The following LILRB1 variants were observed in gnomAD, a reference collection of about 807,000 sequenced individuals.
LILRB1 encodes leukocyte immunoglobulin like receptor B1.
A neutral mutation model predicts 74.6 loss-of-function variants in LILRB1; 59 were observed. The observed-to-expected ratio is 0.79, with a 90% CI of 0.64 to 0.98. The LOEUF is 0.98. Among genes scored for constraint, LILRB1 ranks in the 50% least tolerant of loss-of-function variants. LILRB1 has a pLI of 0.00. For missense variants in LILRB1, 804 were observed against 822.6 expected (o/e 0.98, Z 0.28); for synonymous variants, 328 against 333.9 (o/e 0.98, Z 0.19).
intron 13 of LILRB1, 88 bp from the exon 14 acceptor site, chr19:54,636,406 A>G (rs1314928224): frequency 1.3e-6 from 2 of 1,570,508 alleles, no homozygotes; most frequent in East Asian, 4.5e-5. Context: ...AAAGGGATGT[A>G]ATCGGATCAC....
In LILRB1 at chr19:54,632,524, C is replaced by T. The variant is rs770441281; in HGVS notation, c.722C>T (p.Thr241Ile). 2 of 1,613,850 alleles carry T rather than the reference C, an allele frequency of 1.2e-6. No individual in the cohort carries two copies. Among genetic ancestry groups the T allele is most frequent in the South Asian group, 2.2e-5 (2 of 91,074 alleles). The change falls in exon 6 of 15, where the codon ACC (threonine) becomes ATC (isoleucine). Residue 241 changes from threonine (T) to isoleucine (I), a missense_variant. By Grantham distance (89) the Thr-to-Ile change is moderately conservative (BLOSUM62 -1). Coordinates refer to ENST00000324602, the MANE Select transcript of LILRB1 (RefSeq NM_001081637.3). ...GGTCCTATCGTGGCCCCTGAGGAGACCCTGACTCTGCAGTGTGGCTCTGAT... is the reference window on the plus strand; with the variant it reads ...GGTCCTATCGTGGCCCCTGAGGAGATCCTGACTCTGCAGTGTGGCTCTGAT... ...QPGPIVAPEE[T>I]LTLQCGSDAG...
rs776262835 is a variant in LILRB1, at chr19:54,633,686, C to G, written c.1310C>G (p.Ser437Cys). 5.0e-6 allele frequency: 8 copies of G among 1,613,728 alleles called. No individual in the cohort carries two copies. The highest frequency in any genetic ancestry group is 1.1e-5 in the South Asian group (1 of 91,024). Residue 437 changes from serine (S) to cysteine (C), a missense_variant and splice_region_variant, in exon 8 of 15, where the codon TCT becomes TGT. Coordinates refer to ENST00000324602, the MANE Select transcript of LILRB1 (RefSeq NM_001081637.3). ...CCGACAACAGGCCCCACCTCCACAT[C>G]TGGTGAGTCCCTGAGGCTTCTGAAC... ...SSPTTGPTST[S>C]AGPEDQPLTP...
At chr19:54,633,441 A>G in intron 7 of LILRB1, 123 bp downstream of exon 7, 1 of 1,372,084 alleles carries the variant, frequency 7.3e-7, no homozygotes, top group South Asian at 1.4e-5. Flanking sequence ...TGGGAGACTC[A>G]CCCTCAGAGG....
At chr19:54,631,475 A>C (rs374622899) in intron 3 of LILRB1, 25 bp from the exon 4 acceptor site, 44 of 1,599,702 alleles carry the variant, frequency 2.8e-5, no homozygotes, top group Admixed American at 8.5e-5. Context: ...AATGAGTTAG[A>C]ATCTGACTCC....
intron 10 of LILRB1, 135 bp downstream of exon 10, chr19:54,634,898 C>G: frequency 6.7e-7 from 1 of 1,502,236 alleles, no homozygotes; most frequent in Non-Finnish European, 9.0e-7. Flanking sequence ...AATCGACAGT[C>G]AGTCCCATCT....
At position 54,636,830 on chromosome 19, in the gene LILRB1, G is replaced by GGAA. The variant is rs776521452; in HGVS notation, c.1911_1912insGAA (p.Gly637_Pro638insGlu). 7.4e-6 allele frequency: 12 copies of GGAA among 1,613,378 alleles called. No individual in the cohort carries two copies. Among genetic ancestry groups the GGAA allele is most frequent in the Non-Finnish European group, 1.0e-5 (12 of 1,179,582 alleles). On this transcript the variant is annotated inframe_insertion, in exon 15 of 15. Transcript: ENST00000324602. ...CTGAGCCTCCTCCATCCCAGGAAGG[G>GGAA]CCCTCTCCAGCTGTGCCCAGCATCT...
At chr19:54,635,056 G>C (rs969440654) in intron 10 of LILRB1, 48 bp from the exon 11 acceptor site, 1 of 1,281,986 alleles carries the variant, frequency 7.8e-7, no homozygotes, top group African/African-American at 1.5e-5. Flanking sequence ...GTGCAGGGCA[G>C]GGGGCTCCAA....
Position 54,631,633 on chromosome 19 carries a change from C to T in LILRB1, c.204C>T (p.Pro68=), listed in dbSNP as rs763885841. The T allele has an allele frequency of 1.2e-6, 2 of 1,614,166 alleles. No individual in the cohort carries two copies. Among genetic ancestry groups the T allele is most frequent in the African/African-American group, 1.3e-5 (1 of 74,960 alleles). The change falls in exon 4 of 15, where the codon CCC becomes CCT. Residue 68 remains proline (P), a synonymous_variant. Transcript: ENST00000324602. ...YRLYREKKTA[P]WITRIPQELV... ...TATATAGAGAAAAGAAAACAGCACCCTGGATTACACGGATCCCACAGGAGC... is the reference window on the plus strand; with the variant it reads ...TATATAGAGAAAAGAAAACAGCACCTTGGATTACACGGATCCCACAGGAGC...
chr19:54,621,584 CATTAG>C lies in LILRB1; in HGVS notation c.-166+4236_-166+4240del, dbSNP rs550493853. Among the ~76,000 whole-genome samples, 557 of 150,872 alleles carry C rather than the reference CATTAG, an allele frequency of 3.7e-3. 4 individuals carry two copies. Among genetic ancestry groups the C allele is most frequent in the African/African-American group, 0.013 (530 of 41,036 alleles). On this transcript the variant is annotated intron_variant, in intron 1 of 15. Transcript: ENST00000396331. ...CTTTGACTTCCTTGCAGATTCTGGA[CATTAG>C]TCTTTTGTTGGAGGCATAATTTGCA...
intron 5 of LILRB1, 34 bp downstream of exon 5, chr19:54,632,271 G>T: frequency 6.3e-7 from 1 of 1,597,212 alleles, no homozygotes; most frequent in Non-Finnish European, 8.5e-7. Flanking sequence ...GGAGTTCCCT[G>T]AGTCTCCAGG....
At chr19:54,633,781 G>T in intron 8 of LILRB1, 93 bp downstream of exon 8, 1 of 1,493,312 alleles carries the variant, frequency 6.7e-7, no homozygotes, top group Middle Eastern at 1.7e-4. Flanking sequence ...TCAAAGACTC[G>T]AGCTTCCCTC....
upstream of LILRB1, among the ~76,000 whole-genome samples, chr19:54,626,760 A>G (rs2063601205): frequency 6.6e-6 from 1 of 152,058 alleles, no homozygotes; most frequent in South Asian, 2.1e-4. Context: ...CACACATGTG[A>G]TCTTCCATAC....
At chr19:54,623,847 A>C (rs1024387025) in intron 1 of LILRB1, among the ~76,000 whole-genome samples, 19 of 152,106 alleles carry the variant, frequency 1.2e-4, no homozygotes, top group African/African-American at 4.6e-4. Context: ...TGTTTTGCAC[A>C]TTTTCCCCCG....
Position 54,631,966 on chromosome 19 carries a change from G to A in LILRB1, c.390G>A (p.Gln130=). 1 of 1,614,134 alleles carries A rather than the reference G, an allele frequency of 6.2e-7. No individual in the cohort carries two copies. The change falls in exon 5 of 15, where the codon CAG becomes CAA. Residue 130 remains glutamine (Q), a synonymous_variant. Coordinates refer to ENST00000324602, the MANE Select transcript of LILRB1 (RefSeq NM_001081637.3). The stretch of plus-strand genomic sequence containing the variant: ...ACATCAAACCCACCCTCTCAGCCCA[G>A]CCCAGCCCCGTGGTGAACTCAGGAG... ...GAYIKPTLSA[Q]PSPVVNSGGN...
chr19:54,633,455 G>C, intron 7 of LILRB1, 137 bp downstream of exon 7: 1 of 1,329,014 alleles, frequency 7.5e-7, no homozygotes, highest in Non-Finnish European at 1.0e-6. Flanking sequence ...TCAGAGGGAA[G>C]GAGGAGAACA....
At chr19:54,622,892 T>C (rs2063490961) in intron 1 of LILRB1, among the ~76,000 whole-genome samples, 1 of 152,224 alleles carries the variant, frequency 6.6e-6, no homozygotes, top group African/African-American at 2.4e-5. Context: ...TATTGGACTT[T>C]CTCGAACGCT....
At chr19:54,632,986 C>T in intron 6 of LILRB1, 30 bp from the exon 7 acceptor site, 1 of 1,600,616 alleles carries the variant, frequency 6.2e-7, no homozygotes, top group Non-Finnish European at 8.5e-7. Flanking sequence ...CAAGGTGGGG[C>T]AGCCCCTCGC....
Position 54,632,513 on chromosome 19 carries a change from C to T in LILRB1, c.711C>T (p.Ala237=). ...SLSVQPGPIV[A]PEETLTLQCG... is the part of the protein sequence containing the mutation. ...CAGTGCAGCCAGGTCCTATCGTGGC[C>T]CCTGAGGAGACCCTGACTCTGCAGT... Residue 237 remains alanine, a synonymous_variant, in exon 6 of 15, where the codon GCC becomes GCT. Transcript: ENST00000324602. 6.2e-7 allele frequency: 1 copy of T among 1,614,018 alleles called. No homozygotes were observed. Among genetic ancestry groups the T allele is most frequent in the Non-Finnish European group, 8.5e-7 (1 of 1,179,956 alleles).
At position 54,635,334 on chromosome 19, in the gene LILRB1, T is replaced by G. The variant is rs1156666593; in HGVS notation, c.1600+38T>G. On this transcript the variant is annotated intron_variant, in intron 12 of 14. Transcript: ENST00000324602. ...AAGAGGTGACCAGCCAGGAGGGAGATGGGGGCCCCGAAGTTTCCGTAGCAA... is the reference window on the plus strand; with the variant it reads ...AAGAGGTGACCAGCCAGGAGGGAGAGGGGGGCCCCGAAGTTTCCGTAGCAA... The G allele has an allele frequency of 5.0e-6, 8 of 1,610,988 alleles. No individual in the cohort carries two copies. In the Admixed American group the frequency reaches 8.3e-5, roughly 17 times the overall value.
Sources: allele counts gnomAD v4.1 joint callset (sites outside exome capture counted in the v4.1 genomes callset), GRCh38; gene constraint gnomAD v4.1.1; transcripts MANE v1.5; gene names NCBI Gene and HGNC (gene_info 2026-07-23, HGNC 2026-07-21).